Variants in ZBTB17 observed in about 807,000 individuals in gnomAD.
ZBTB17 encodes zinc finger and BTB domain containing 17.
A neutral mutation model predicts 85.1 loss-of-function variants in ZBTB17; 24 were observed. The observed-to-expected ratio is 0.28, with a 90% CI of 0.20 to 0.40. The LOEUF (loss-of-function observed/expected upper bound fraction) is 0.40. Among genes scored for constraint, ZBTB17 ranks in the 10% least tolerant of loss-of-function variants. The pLI is 1.00. For missense variants in ZBTB17, 743 were observed against 1,105.1 expected, an observed-to-expected ratio of 0.67 and a Z score of 4.65; for synonymous variants, 464 against 460.2, an observed-to-expected ratio of 1.01 and a Z score of -0.11.
Position 15,942,440 on chromosome 1 carries a change from G to A in ZBTB17, c.2039-20C>T. 1.2e-6 allele frequency: 2 copies of A among 1,612,714 alleles called. No individual in the cohort carries two copies. Among genetic ancestry groups the A allele is most frequent in the Non-Finnish European group, 1.7e-6 (2 of 1,179,964 alleles). On this transcript the variant is annotated intron_variant, in intron 14 of 15. Transcript: ENST00000375743. ...GCACCACTGCGGGCAGAGTCGCAGG[G>A]CCTAAGGTGAAGGCACGGGCACTGC...
chr1:15,944,884 G>T (rs374970529), intron 7 of ZBTB17, 45 bp from the exon 8 acceptor site: 18 of 1,565,548 alleles, frequency 1.1e-5, no homozygotes, highest in Non-Finnish European at 1.5e-5. Flanking sequence ...CAGCCGGTGG[G>T]AGGCCGGAGG....
chr1:15,943,543 G>A, intron 11 of ZBTB17, 24 bp from the exon 12 acceptor site: 1 of 1,611,324 alleles, frequency 6.2e-7, no homozygotes, highest in African/African-American at 1.3e-5. Context: ...AGAAGGTGTT[G>A]GTGCCTGCTC....
In ZBTB17 at chr1:15,952,018, C is replaced by T. The variant is rs2071873517; in HGVS notation, c.-2-3521G>A. ...GTGCCCATCGCTCAAGCACAAGTGT[C>T]AAGGTCTGTGGTCTTGTCTTCACCT... On this transcript the variant is annotated intron_variant, in intron 2 of 15. Transcript: ENST00000375743. The surrounding 1 kb of genome is among the most constrained non-coding windows in gnomAD (Gnocchi z 4.3). Among the ~76,000 whole-genome samples, 1 of 152,200 alleles carries T rather than the reference C, an allele frequency of 6.6e-6. No individual in the cohort carries two copies. Among genetic ancestry groups the T allele is most frequent in the African/African-American group, 2.4e-5 (1 of 41,452 alleles).
chr1:15,958,318 G>A (rs1051677905), intron 2 of ZBTB17, among the ~76,000 whole-genome samples: 1 of 151,550 alleles, frequency 6.6e-6, no homozygotes. Flanking sequence ...TGCACCAGGG[G>A]AGCACAGGGC....
intron 2 of ZBTB17, among the ~76,000 whole-genome samples, chr1:15,962,675 G>A (rs540501552): frequency 6.6e-6 from 1 of 152,274 alleles, no homozygotes; most frequent in East Asian, 1.9e-4. Flanking sequence ...ACAGAATACC[G>A]GGTTCAACAG....
At position 15,952,635 on chromosome 1, in the gene ZBTB17, T is replaced by G. The variant is rs1298656210; in HGVS notation, c.-2-4138A>C. The stretch of plus-strand genomic sequence containing the variant: ...TTCCAGACCTAAACCTAAAGAAGCC[T>G]GGAAGATTCTGCTGTGGCTCCTGGG... On this transcript the variant is annotated intron_variant, in intron 2 of 15. Coordinates refer to ENST00000375743, the MANE Select transcript of ZBTB17 (RefSeq NM_003443.3). This position sits in a 1 kb window ranked among gnomAD's most constrained non-coding sequence, Gnocchi z 4.3. Among the ~76,000 whole-genome samples, 1 of 152,158 alleles carries G rather than the reference T, an allele frequency of 6.6e-6. No homozygotes were observed. Among genetic ancestry groups the G allele is most frequent in the African/African-American group, 2.4e-5 (1 of 41,440 alleles).
intron 2 of ZBTB17, among the ~76,000 whole-genome samples, chr1:15,949,738 T>G (rs1374709782): frequency 6.6e-6 from 1 of 152,236 alleles, no homozygotes; most frequent in Non-Finnish European, 1.5e-5. Flanking sequence ...GCTGTGGCCA[T>G]GCATGGCTGT....
In ZBTB17 at chr1:15,973,658, T is replaced by A. The variant is rs2072756744; in HGVS notation, c.-89-533A>T. ...CTGCTCCCTATCACATGGAGCAGCA[T>A]CCAACACCCATCAGTCAAAAACTGG... On this transcript the variant is annotated intron_variant, in intron 1 of 15. Coordinates refer to ENST00000375743, the MANE Select transcript of ZBTB17 (RefSeq NM_003443.3). This position sits in a 1 kb window ranked among gnomAD's most constrained non-coding sequence, Gnocchi z 4.1. 6.6e-6 allele frequency among the ~76,000 whole-genome samples: 1 copy of A among 152,150 alleles called. No homozygotes were observed. Among genetic ancestry groups the A allele is most frequent in the African/African-American group, 2.4e-5 (1 of 41,438 alleles).
intron 2 of ZBTB17, among the ~76,000 whole-genome samples, chr1:15,958,745 C>T (rs2072143318): frequency 6.6e-6 from 1 of 152,148 alleles, no homozygotes; most frequent in Non-Finnish European, 1.5e-5. Flanking sequence ...GTGACCACAC[C>T]TAAAGACAGA....
At chr1:15,959,508 A>AGAGAGAGGGAGG (rs2072172486) in intron 2 of ZBTB17, among the ~76,000 whole-genome samples, 1 of 105,900 alleles carries the variant, frequency 9.4e-6, no homozygotes, top group South Asian at 4.1e-4. Flanking sequence ...AAGAGGGAGG[A>AGAGAGAGGGAGG]GAGGGAGGGA....
At chr1:15,947,235 C>T in intron 3 of ZBTB17, 112 bp from the exon 4 acceptor site, 1 of 1,142,826 alleles carries the variant, frequency 8.8e-7, no homozygotes, top group Non-Finnish European at 1.2e-6. Flanking sequence ...AGCTGAGTGG[C>T]AAGCCTGCAT....
intron 2 of ZBTB17, among the ~76,000 whole-genome samples, chr1:15,968,274 A>T (rs2072516103): frequency 6.6e-6 from 1 of 152,182 alleles, no homozygotes; most frequent in African/African-American, 2.4e-5. Flanking sequence ...AATTACATGG[A>T]GTTTTCTCCA....
chr1:15,947,561 AGT>A (rs2071660807), intron 3 of ZBTB17, among the ~76,000 whole-genome samples: 1 of 150,464 alleles, frequency 6.6e-6, no homozygotes, highest in South Asian at 2.1e-4. Context: ...GGGAGGACAG[AGT>A]GTGAATGCCT....
intron 2 of ZBTB17, among the ~76,000 whole-genome samples, chr1:15,958,010 T>C (rs1169958204): frequency 1.3e-5 from 2 of 152,132 alleles, no homozygotes; most frequent in East Asian, 3.9e-4. Context: ...GAAGCAGGTA[T>C]TGGATAAACA....
At chr1:15,946,833 G>A in intron 4 of ZBTB17, 102 bp downstream of exon 4, 1 of 1,390,110 alleles carries the variant, frequency 7.2e-7, no homozygotes, top group African/African-American at 1.4e-5. Flanking sequence ...AACCGAGGCA[G>A]GGCCAGATGA....
chr1:15,944,861 G>A (rs528321100), intron 7 of ZBTB17, 22 bp from the exon 8 acceptor site: 5 of 1,577,560 alleles, frequency 3.2e-6, no homozygotes, highest in African/African-American at 1.3e-5. Context: ...GCGGGGAAGC[G>A]GGGTGTGAGG....
At chr1:15,955,877 C>T (rs1321511732) in intron 2 of ZBTB17, among the ~76,000 whole-genome samples, 1 of 152,198 alleles carries the variant, frequency 6.6e-6, no homozygotes, top group African/African-American at 2.4e-5. Flanking sequence ...ACCCTATCAA[C>T]ATCCACAACT....
rs2071933642 is a variant in ZBTB17, at chr1:15,953,407, C to G, written c.-2-4910G>C. ...GTGTGCTGGCCAAGGCTGGGTTGCT[C>G]CCAACCACACTCCCGGCCATGCTCA... is the stretch of plus-strand genomic sequence containing the variant. On this transcript the variant is annotated intron_variant, in intron 2 of 15. Transcript: ENST00000375743. This position sits in a 1 kb window ranked among gnomAD's most constrained non-coding sequence, Gnocchi z 5.1. Among the ~76,000 whole-genome samples the G allele has an allele frequency of 6.6e-6, 1 of 152,168 alleles. No individual in the cohort carries two copies. Among genetic ancestry groups the G allele is most frequent in the Non-Finnish European group, 1.5e-5 (1 of 68,022 alleles).
At chr1:15,972,535 T>C (rs1258048029) in intron 2 of ZBTB17, among the ~76,000 whole-genome samples, 1 of 152,184 alleles carries the variant, frequency 6.6e-6, no homozygotes, top group Admixed American at 6.5e-5. Flanking sequence ...CCTTAAACAT[T>C]AGAACTTTAA....
Sources: gnomAD v4.1 joint callset for allele counts (sites outside exome capture counted in the v4.1 genomes callset) on GRCh38, gnomAD v4.1.1 for gene constraint, Gnocchi (gnomAD v3.1) non-coding constraint, MANE v1.5 for transcripts, NCBI Gene and HGNC (gene_info 2026-07-23, HGNC 2026-07-21) for gene names.